The following POTEJ variants were observed in gnomAD, a reference collection of about 807,000 sequenced individuals.
POTEJ encodes the protein POTE ankyrin domain family member J, also known as POTE ankyrin domain family, member J.
A neutral mutation model predicts 69.0 loss-of-function variants in POTEJ; 11 were observed. That is an observed-to-expected ratio of 0.16 (90% CI 0.10 to 0.26). The LOEUF is 0.26. POTEJ is among the 10% of genes least tolerant of loss of function. POTEJ has a pLI of 1.00. For missense variants in POTEJ, 327 were observed against 1,045.5 expected (o/e 0.31, Z 9.48); for synonymous variants, 117 against 381.1 (o/e 0.31, Z 8.07).
At chr2:130,656,518 T>C (rs2105268110) in intron 14 of POTEJ, 31 bp from the exon 15 acceptor site, 1 of 1,601,972 alleles carries the variant, frequency 6.2e-7, no homozygotes, top group African/African-American at 1.4e-5. Flanking sequence ...ATCTATTGAG[T>C]GCTAACTAAA....
At chr2:130,637,168 A>G (rs1258054833) in intron 9 of POTEJ, among the ~76,000 whole-genome samples, 2 of 149,228 alleles carry the variant, frequency 1.3e-5, no homozygotes, top group Non-Finnish European at 3.0e-5. Flanking sequence ...TTGGCTCTTT[A>G]TAATAAGCTA....
intron 11 of POTEJ, among the ~76,000 whole-genome samples, chr2:130,644,521 A>T (rs1686515007): frequency 6.6e-6 from 1 of 152,268 alleles, no homozygotes; most frequent in African/African-American, 2.4e-5. Context: ...TTGTAATAAA[A>T]TCAGCAACCT....
chr2:130,641,741 G>T (rs578245337), intron 10 of POTEJ, among the ~76,000 whole-genome samples: 1 of 152,018 alleles, frequency 6.6e-6, no homozygotes, highest in Non-Finnish European at 1.5e-5. Context: ...TGGAATATTC[G>T]TGTAGGATAT....
intron 5 of POTEJ, chr2:130,623,084 T>A (rs1209461189): frequency 7.1e-6 from 1 of 141,056 alleles, no homozygotes; most frequent in African/African-American, 2.9e-5. Flanking sequence ...GTCTATGAGA[T>A]GACTTAGACC....
At chr2:130,614,533 C>T (rs1320592169) in intron 1 of POTEJ, among the ~76,000 whole-genome samples, 2 of 148,756 alleles carry the variant, frequency 1.3e-5, no homozygotes, top group Admixed American at 1.3e-4. Context: ...ATGTACTTTG[C>T]TATATCAAGT....
intron 1 of POTEJ, among the ~76,000 whole-genome samples, chr2:130,613,225 GATATATATACATATATATAC>G (rs1218923160): frequency 7.1e-6 from 1 of 141,674 alleles, no homozygotes; most frequent in Non-Finnish European, 1.5e-5. Context: ...TATATACGCA[GATATATATACATATATATAC>G]ATATATATAC....
chr2:130,626,638 G>A (rs1685716881), intron 6 of POTEJ, among the ~76,000 whole-genome samples: 1 of 152,284 alleles, frequency 6.6e-6, no homozygotes, highest in East Asian at 1.9e-4. Flanking sequence ...CCTATAGTTT[G>A]CTGGGATTGA....
intron 6 of POTEJ, among the ~76,000 whole-genome samples, chr2:130,624,584 G>A (rs1317624992): frequency 3.3e-5 from 5 of 152,090 alleles, no homozygotes; most frequent in Non-Finnish European, 5.9e-5. Context: ...TGTAAATACA[G>A]ATGAAGCTTC....
chr2:130,647,169 A>G (rs1686611381), intron 13 of POTEJ, among the ~76,000 whole-genome samples: 2 of 151,092 alleles, frequency 1.3e-5, no homozygotes, highest in Admixed American at 6.5e-5. Context: ...TGTAGGGTAT[A>G]CTGATTATTT....
chr2:130,642,846 C>T (rs2165057), intron 10 of POTEJ, among the ~76,000 whole-genome samples: 3,481 of 140,742 alleles, frequency 0.025, 16 homozygotes, highest in African/African-American at 0.086. Context: ...TGCTGCGTGG[C>T]ATGCCGTCAC....
At chr2:130,614,576 G>A (rs1461755543) in intron 1 of POTEJ, among the ~76,000 whole-genome samples, 2 of 148,480 alleles carry the variant, frequency 1.3e-5, no homozygotes, top group African/African-American at 2.6e-5. Context: ...ACATATACAC[G>A]AACAGAATCT....
At chr2:130,612,762 C>CAA (rs1320771385) in intron 1 of POTEJ, among the ~76,000 whole-genome samples, 919 of 53,238 alleles carry the variant, frequency 0.017, 5 homozygotes, top group Non-Finnish European at 0.03. Flanking sequence ...GATTCCGTCT[C>CAA]AAAAAAAAAA....
chr2:130,643,240 A>G (rs1222077525), intron 10 of POTEJ, among the ~76,000 whole-genome samples: 2 of 144,570 alleles, frequency 1.4e-5, no homozygotes, highest in Non-Finnish European at 3.1e-5. Context: ...TTGTTTCAAA[A>G]GATGAAAATA....
intron 6 of POTEJ, among the ~76,000 whole-genome samples, chr2:130,625,609 C>G (rs1347937634): frequency 6.7e-6 from 1 of 149,482 alleles, no homozygotes; most frequent in Admixed American, 6.6e-5. Context: ...AAGGAACATG[C>G]AGCGAGGTCG....
In POTEJ at chr2:130,632,026, C is replaced by T. The variant is rs1267603435; in HGVS notation, c.1132-464C>T. ...AAGAATATCTTAGCGCAGAAAAGGGCAAACTTCCTTTCTATTCCTGAAGCC... is the reference window on the plus strand; with the variant it reads ...AAGAATATCTTAGCGCAGAAAAGGGTAAACTTCCTTTCTATTCCTGAAGCC... On this transcript the variant is annotated intron_variant, in intron 8 of 14. Coordinates refer to ENST00000409602, the MANE Select transcript of POTEJ (RefSeq NM_001277083.2). 2.1e-5 allele frequency among the ~76,000 whole-genome samples: 3 copies of T among 143,928 alleles called. 1 individual carries two copies. Among genetic ancestry groups the T allele is most frequent in the African/African-American group, 5.5e-5 (2 of 36,566 alleles). The allele number at this position is 143,928 out of a possible 152,430, so 94.4% of individuals were successfully genotyped here.
chr2:130,636,904 C>A (rs1686112953), intron 9 of POTEJ, among the ~76,000 whole-genome samples: 2 of 146,706 alleles, frequency 1.4e-5, no homozygotes, highest in Middle Eastern at 3.5e-3. Context: ...CAGTGAAACC[C>A]CATCTCTACT....
chr2:130,618,773 A>ATTTTTTTTTT (rs1685454139), intron 3 of POTEJ, among the ~76,000 whole-genome samples: 1 of 63,312 alleles, frequency 1.6e-5, no homozygotes, highest in Non-Finnish European at 2.8e-5. Flanking sequence ...CATTAATCTG[A>ATTTTTTTTTT]CTTTTTTTTT....
intron 10 of POTEJ, among the ~76,000 whole-genome samples, chr2:130,642,854 C>T (rs566219184): frequency 6.6e-6 from 1 of 151,138 alleles, no homozygotes; most frequent in Admixed American, 6.6e-5. Context: ...GGCATGCCGT[C>T]ACCCTTTCCT....
intron 13 of POTEJ, among the ~76,000 whole-genome samples, chr2:130,648,772 T>A (rs1301743322): frequency 6.8e-6 from 1 of 147,692 alleles, no homozygotes; most frequent in Admixed American, 6.7e-5. Flanking sequence ...CTCAATCTTC[T>A]TTCTCATAGT....
Sources: allele counts gnomAD v4.1 joint callset (sites outside exome capture counted in the v4.1 genomes callset), GRCh38; gene constraint gnomAD v4.1.1; transcripts MANE v1.5; gene names NCBI Gene and HGNC (gene_info 2026-07-23, HGNC 2026-07-21).